The following SLC27A6 variants were observed in gnomAD, a reference collection of about 807,000 sequenced individuals.
SLC27A6 encodes the protein long-chain fatty acid transport protein 6.
A neutral mutation model predicts 63.9 loss-of-function variants in SLC27A6; 74 were observed. The observed-to-expected ratio is 1.16, with a 90% CI of 0.96 to 1.40. SLC27A6 has a LOEUF of 1.40. SLC27A6 is among the 40% of genes most tolerant of loss of function. SLC27A6 has a pLI of 0.00. For missense variants in SLC27A6, 794 were observed against 732.9 expected, an observed-to-expected ratio of 1.08 and a Z score of -0.96; for synonymous variants, 287 against 260.8, an observed-to-expected ratio of 1.10 and a Z score of -0.97.
intron 1 of SLC27A6, among the ~76,000 whole-genome samples, chr5:128,980,993 A>C (rs2150131936): frequency 6.6e-6 from 1 of 152,362 alleles, no homozygotes; most frequent in Admixed American, 6.5e-5. Context: ...ATGAAGAAAC[A>C]AGAAATCAAT....
intron 8 of SLC27A6, 86 bp from the exon 9 acceptor site, chr5:129,029,491 C>T (rs1752348683): frequency 3.6e-6 from 3 of 838,190 alleles, no homozygotes; most frequent in Non-Finnish European, 5.6e-6. Flanking sequence ...TTTAATGTCT[C>T]CATGTGTGCC....
intron 1 of SLC27A6, among the ~76,000 whole-genome samples, chr5:128,970,827 C>G (rs1750124215): frequency 6.8e-6 from 1 of 146,024 alleles, no homozygotes. Flanking sequence ...TCTTGCTTCT[C>G]TAGTTCTTTT....
chr5:129,008,054 T>C (rs1415913411), intron 4 of SLC27A6, among the ~76,000 whole-genome samples: 1 of 152,044 alleles, frequency 6.6e-6, no homozygotes, highest in Non-Finnish European at 1.5e-5. Context: ...ATAGTGAGAT[T>C]ATATATTATT....
At chr5:129,030,490 C>A (rs1177759730) in intron 9 of SLC27A6, among the ~76,000 whole-genome samples, 3 of 151,932 alleles carry the variant, frequency 2.0e-5, no homozygotes, top group Non-Finnish European at 4.4e-5. Flanking sequence ...TCATTGCAGC[C>A]AAGTCACTGC....
chr5:129,028,470 G>T (rs1324505742), intron 8 of SLC27A6, 28 bp downstream of exon 8: 2 of 1,366,696 alleles, frequency 1.5e-6, no homozygotes, highest in East Asian at 2.3e-5. Flanking sequence ...ATTTTGGAAA[G>T]ATTCTTAGAA....
intron 4 of SLC27A6, among the ~76,000 whole-genome samples, chr5:129,008,118 A>T (rs532508576): frequency 7.3e-4 from 111 of 152,190 alleles, no homozygotes; most frequent in African/African-American, 2.6e-3. Context: ...ATATGTGTAT[A>T]TTTCAACATC....
At chr5:129,021,014 A>G (rs1752056795) in intron 5 of SLC27A6, among the ~76,000 whole-genome samples, 1 of 151,716 alleles carries the variant, frequency 6.6e-6, no homozygotes, top group Non-Finnish European at 1.5e-5. Flanking sequence ...CTTGATGTCC[A>G]GTCTTTCTGG....
Position 128,969,070 on chromosome 5 carries a change from C to T in SLC27A6, c.481+2452C>T, listed in dbSNP as rs182835333. Among the ~76,000 whole-genome samples the T allele has an allele frequency of 2.3e-3, 344 of 152,158 alleles. 2 individuals are homozygous for T. The highest frequency in any genetic ancestry group is 7.6e-3 in the African/African-American group (317 of 41,536). On this transcript the variant is annotated intron_variant, in intron 1 of 9. Coordinates refer to ENST00000262462, the MANE Select transcript of SLC27A6 (RefSeq NM_001017372.3). ...GTCAGGTTTGTCAAAGATCAGATGG[C>T]TGTAGATGTGTGGTATTATTTCTGA... is the stretch of plus-strand genomic sequence containing the variant.
intron 9 of SLC27A6, among the ~76,000 whole-genome samples, chr5:129,031,023 C>G (rs1488923140): frequency 1.3e-5 from 2 of 151,900 alleles, no homozygotes; most frequent in African/African-American, 4.8e-5. Context: ...AGAAAGTTGA[C>G]AGGACAAATA....
intron 6 of SLC27A6, among the ~76,000 whole-genome samples, chr5:129,025,954 G>C (rs1752230496): frequency 6.6e-6 from 1 of 152,082 alleles, no homozygotes; most frequent in Admixed American, 6.6e-5. Flanking sequence ...GGGCAACCTG[G>C]TGAGACCTCG....
chr5:128,978,415 C>G (rs899533600), intron 1 of SLC27A6, among the ~76,000 whole-genome samples: 2 of 152,152 alleles, frequency 1.3e-5, no homozygotes, highest in African/African-American at 4.8e-5. Context: ...TACCTGTCTC[C>G]CAAAACCGCT....
intron 4 of SLC27A6, among the ~76,000 whole-genome samples, chr5:129,013,649 C>G (rs557381744): frequency 2.2e-4 from 34 of 152,092 alleles, no homozygotes; most frequent in African/African-American, 8.2e-4. Flanking sequence ...TATTTCCCTG[C>G]TATTTAACCT....
chr5:128,966,017 A>G lies in SLC27A6; in HGVS notation c.-121A>G, dbSNP rs2150123797. On this transcript the variant is annotated 5_prime_UTR_variant, in exon 1 of 10. Transcript: ENST00000262462. ...CCGCTTCGCCCCGGAAAAGCTGACAAGAACTTCAGGTGTAAGCCCTGAGTA... is the reference window on the plus strand; with the variant it reads ...CCGCTTCGCCCCGGAAAAGCTGACAGGAACTTCAGGTGTAAGCCCTGAGTA... 8.3e-7 allele frequency: 1 copy of G among 1,198,896 alleles called. No individual in the cohort carries two copies. Among genetic ancestry groups the G allele is most frequent in the Admixed American group, 2.9e-5 (1 of 34,510 alleles). 74.3% of individuals were successfully genotyped at this position (1,198,896 alleles called of 1,614,324 possible).
intron 4 of SLC27A6, among the ~76,000 whole-genome samples, chr5:129,010,587 T>C (rs569133254): frequency 1.1e-4 from 17 of 152,324 alleles, no homozygotes; most frequent in Admixed American, 4.6e-4. Flanking sequence ...TTCTCATATA[T>C]AGAGGCCTAT....
rs1415712240 is a variant in SLC27A6 at position 129,033,273 on chromosome 5, A to G, written c.1851A>G (p.Ile617Met). ...ATGATCAAATAATGTTAGGGGAAAT[A>G]AAACTTTAAGATTTTTATATCTAGA... ...ELYDQIMLGE[I>M]KL Residue 617 changes from isoleucine (I) to methionine (M), a missense_variant, in exon 10 of 10, where the codon ATA becomes ATG. Physicochemically the swap from Ile to Met is conservative, Grantham distance 10. Transcript: ENST00000262462. 9.0e-6 allele frequency: 14 copies of G among 1,558,640 alleles called. No individual in the cohort carries two copies. In the East Asian group the frequency reaches 3.2e-4, roughly 36 times the overall value.
intron 4 of SLC27A6, among the ~76,000 whole-genome samples, 191 bp downstream of exon 4, chr5:128,990,655 G>C (rs1750947999): frequency 6.6e-6 from 1 of 152,108 alleles, no homozygotes; most frequent in Admixed American, 6.5e-5. Context: ...CAAGCCTTGT[G>C]TTCTCTGATC....
intron 5 of SLC27A6, 85 bp downstream of exon 5, chr5:129,016,164 G>T: frequency 1.1e-6 from 1 of 930,658 alleles, no homozygotes. Flanking sequence ...ACGCCGAGGT[G>T]GGCAGATCAT....
chr5:128,985,953 A>G (rs2150134526), intron 2 of SLC27A6, among the ~76,000 whole-genome samples: 1 of 152,302 alleles, frequency 6.6e-6, no homozygotes, highest in African/African-American at 2.4e-5. Flanking sequence ...TACAAAATAA[A>G]ATCAAGTAAA....
intron 4 of SLC27A6, among the ~76,000 whole-genome samples, chr5:128,990,849 T>C (rs532447282): frequency 1.1e-4 from 16 of 152,264 alleles, no homozygotes; most frequent in African/African-American, 3.4e-4. Context: ...TCTAGCCCGA[T>C]TGGGAGCGGC....
Sources: allele counts gnomAD v4.1 joint callset (sites outside exome capture counted in the v4.1 genomes callset), GRCh38; gene constraint gnomAD v4.1.1; transcripts MANE v1.5; gene names NCBI Gene and HGNC (gene_info 2026-07-23, HGNC 2026-07-21).